LOC128462377: variants seen among roughly 807,000 people sequenced by gnomAD.
the LOC128462377 span, among the ~76,000 whole-genome samples, chr16:89,367,077 C>G: frequency 7.2e-5 from 11 of 152,204 alleles, no homozygotes; most frequent in Admixed American, 6.5e-4. Context: ...TCCTCTATGA[C>G]AGACTCCAAG....
At chr16:89,398,529 C>A in the LOC128462377 span, among the ~76,000 whole-genome samples, 1 of 152,142 alleles carries the variant, frequency 6.6e-6, no homozygotes, top group Admixed American at 6.5e-5. Flanking sequence ...CCAGCCTGGG[C>A]AACACAGGGA....
the LOC128462377 span, among the ~76,000 whole-genome samples, chr16:89,376,317 T>C: frequency 6.6e-6 from 1 of 152,188 alleles, no homozygotes; most frequent in Non-Finnish European, 1.5e-5. Context: ...TTTAGAACGT[T>C]TGGCTTTAAC....
chr16:89,393,423 A>AGG, the LOC128462377 span, among the ~76,000 whole-genome samples: 2 of 150,508 alleles, frequency 1.3e-5, no homozygotes, highest in Non-Finnish European at 3.0e-5. Context: ...TCCTGAGTTC[A>AGG]AGCAATTCTC....
chr16:89,348,288 C>T, the LOC128462377 span, among the ~76,000 whole-genome samples: 1 of 152,152 alleles, frequency 6.6e-6, no homozygotes. Flanking sequence ...TTTCATTTTC[C>T]TTATGTCAAT....
chr16:89,377,881 G>C, the LOC128462377 span, among the ~76,000 whole-genome samples: 7 of 151,494 alleles, frequency 4.6e-5, no homozygotes, highest in Non-Finnish European at 1.0e-4. Context: ...CATGAGAACA[G>C]CATGACCACC....
chr16:89,391,569 T>A, the LOC128462377 span, among the ~76,000 whole-genome samples: 13 of 152,196 alleles, frequency 8.5e-5, no homozygotes, highest in African/African-American at 3.1e-4. Flanking sequence ...AGGAAAAATC[T>A]GAGTTTTCCC....
chr16:89,351,516 C>T, the LOC128462377 span, among the ~76,000 whole-genome samples: 1 of 152,144 alleles, frequency 6.6e-6, no homozygotes, highest in African/African-American at 2.4e-5. Context: ...AGGATCCTAG[C>T]GAACTTTTTC....
the LOC128462377 span, among the ~76,000 whole-genome samples, chr16:89,366,054 T>C: frequency 4.0e-4 from 56 of 141,696 alleles, no homozygotes; most frequent in African/African-American, 1.5e-3. Context: ...CACTTGAACC[T>C]GGAAGGTGGA....
At chr16:89,404,865 T>C in the LOC128462377 span, among the ~76,000 whole-genome samples, 32 of 152,344 alleles carry the variant, frequency 2.1e-4, no homozygotes, top group East Asian at 6.2e-3. Flanking sequence ...CCACTGTAAA[T>C]CACACTATTG....
chr16:89,398,867 G>A, the LOC128462377 span, among the ~76,000 whole-genome samples: 3 of 152,176 alleles, frequency 2.0e-5, no homozygotes, highest in Non-Finnish European at 4.4e-5. Context: ...GAGTACAGAT[G>A]CAGTGGCAGG....
the LOC128462377 span, among the ~76,000 whole-genome samples, chr16:89,381,472 G>A: frequency 6.6e-6 from 1 of 151,824 alleles, no homozygotes; most frequent in Non-Finnish European, 1.5e-5. Flanking sequence ...TTTTCACATT[G>A]TAACAGCCCC....
the LOC128462377 span, among the ~76,000 whole-genome samples, chr16:89,335,575 G>A: frequency 6.6e-6 from 1 of 152,224 alleles, no homozygotes; most frequent in Non-Finnish European, 1.5e-5. Context: ...TAGCAGAACA[G>A]CGAGTGACGT....
chr16:89,374,607 G>A, the LOC128462377 span, among the ~76,000 whole-genome samples: 1 of 152,200 alleles, frequency 6.6e-6, no homozygotes, highest in African/African-American at 2.4e-5. Flanking sequence ...GCAACCTCAG[G>A]AGAGCTGTGG....
chr16:89,404,455 G>C, the LOC128462377 span, among the ~76,000 whole-genome samples: 1 of 152,164 alleles, frequency 6.6e-6, no homozygotes, highest in Non-Finnish European at 1.5e-5. Flanking sequence ...TGCTTTTAAA[G>C]GATTAATAGC....
At chr16:89,358,205 G>A in the LOC128462377 span, among the ~76,000 whole-genome samples, 1,226 of 152,324 alleles carry the variant, frequency 8.0e-3, 24 homozygotes, top group African/African-American at 0.028. Context: ...ACAGGCCACA[G>A]CCCCCACACC....
chr16:89,378,626 C>T, the LOC128462377 span, among the ~76,000 whole-genome samples: 1 of 152,298 alleles, frequency 6.6e-6, no homozygotes, highest in East Asian at 1.9e-4. Flanking sequence ...GCTCAAGTAG[C>T]TTCTCTTGTT....
the LOC128462377 span, among the ~76,000 whole-genome samples, chr16:89,336,724 C>T: frequency 1.3e-5 from 2 of 152,172 alleles, no homozygotes; most frequent in Non-Finnish European, 2.9e-5. Flanking sequence ...TACAAGGAGT[C>T]CCCACTCTCT....
At chr16:89,400,941 G>C in the LOC128462377 span, among the ~76,000 whole-genome samples, 1 of 152,148 alleles carries the variant, frequency 6.6e-6, no homozygotes, top group African/African-American at 2.4e-5. Context: ...CCCTGCTCGG[G>C]TTCACAGACA....
the LOC128462377 span, among the ~76,000 whole-genome samples, chr16:89,326,380 C>A: frequency 6.7e-6 from 1 of 150,328 alleles, no homozygotes; most frequent in Non-Finnish European, 1.5e-5. Context: ...CAGCCACCGC[C>A]CCCCCCACCC....
Sources: gnomAD v4.1 joint callset for allele counts (sites outside exome capture counted in the v4.1 genomes callset) on GRCh38, gnomAD v4.1.1 for gene constraint, MANE v1.5 for transcripts.